EXOC6B: variants seen among roughly 807,000 people sequenced by gnomAD.
The protein encoded by EXOC6B is exocyst complex component 6B, also known as SEC15 homolog B.
In EXOC6B, 54 loss-of-function variants were observed where a neutral mutation model predicts 113.5. That is an observed-to-expected ratio of 0.48 (90% CI 0.38 to 0.60). The LOEUF is 0.60. Ranked by LOEUF, EXOC6B falls within the 20% of genes least tolerant of loss-of-function variation. EXOC6B has a pLI of 0.00. For missense variants in EXOC6B, 797 were observed against 977.5 expected (o/e 0.82, Z 2.46); for synonymous variants, 357 against 339.0 (o/e 1.05, Z -0.58).
At chr2:72,693,584 A>G (rs1257517561) in intron 6 of EXOC6B, among the ~76,000 whole-genome samples, 2 of 152,224 alleles carry the variant, frequency 1.3e-5, no homozygotes, top group Admixed American at 6.5e-5. Flanking sequence ...TAAAAGGCCA[A>G]TGCACAAGAT....
intron 18 of EXOC6B, among the ~76,000 whole-genome samples, chr2:72,455,864 C>A (rs1697198825): frequency 6.6e-6 from 1 of 151,938 alleles, no homozygotes; most frequent in East Asian, 1.9e-4. Context: ...GGAGAGGACA[C>A]TTTGTACAGT....
At chr2:72,461,542 C>G (rs188444074) in intron 18 of EXOC6B, 75 of 151,750 alleles carry the variant, frequency 4.9e-4, no homozygotes, top group African/African-American at 1.6e-3. Flanking sequence ...TAATGAATAT[C>G]ACATTATATG....
chr2:72,720,867 T>TA lies in EXOC6B; in HGVS notation c.465-2561dup, dbSNP rs202107672. 2.3e-3 allele frequency among the ~76,000 whole-genome samples: 321 copies of TA among 139,426 alleles called. 1 individual carries two copies. The highest frequency in any genetic ancestry group is 7.5e-3 in the African/African-American group (284 of 38,000). 91.5% of individuals were successfully genotyped at this position (139,426 alleles called of 152,430 possible). ...GCTAGTAACACAGAGGGACATTCCATAAAAAAAAAAGGGATGATATTTGTC... is the reference window on the plus strand; with the variant it reads ...GCTAGTAACACAGAGGGACATTCCATAAAAAAAAAAAGGGATGATATTTGTC... On this transcript the variant is annotated intron_variant, in intron 5 of 21. Coordinates refer to ENST00000272427, the MANE Select transcript of EXOC6B (RefSeq NM_015189.3).
At chr2:72,262,744 A>G (rs1683815959) in intron 20 of EXOC6B, among the ~76,000 whole-genome samples, 1 of 151,782 alleles carries the variant, frequency 6.6e-6, no homozygotes, top group South Asian at 2.1e-4. Context: ...TTCATTGTCT[A>G]TCTTTCCCAC....
At chr2:72,350,513 T>C (rs186862591) in intron 19 of EXOC6B, among the ~76,000 whole-genome samples, 32 of 152,336 alleles carry the variant, frequency 2.1e-4, no homozygotes, top group African/African-American at 6.7e-4. Context: ...ATCTATCTTA[T>C]TAGAGAATAT....
chr2:72,354,369 G>A (rs530060810), intron 19 of EXOC6B: 1 of 152,326 alleles, frequency 6.6e-6, no homozygotes, highest in East Asian at 1.9e-4. Flanking sequence ...ACCAGAAACA[G>A]TACTTTGTTT....
At chr2:72,230,496 C>T (rs1161456163) in intron 20 of EXOC6B, among the ~76,000 whole-genome samples, 2 of 152,124 alleles carry the variant, frequency 1.3e-5, no homozygotes, top group Non-Finnish European at 2.9e-5. Flanking sequence ...TCTACAGTCT[C>T]TTATACTAAC....
chr2:72,392,107 T>C (rs1400712210), intron 18 of EXOC6B, among the ~76,000 whole-genome samples: 2 of 152,232 alleles, frequency 1.3e-5, no homozygotes, highest in Non-Finnish European at 2.9e-5. Flanking sequence ...AGGTCCTGGT[T>C]CCTCATTTCT....
At chr2:72,816,630 C>T (rs975718918) in intron 1 of EXOC6B, among the ~76,000 whole-genome samples, 3 of 152,114 alleles carry the variant, frequency 2.0e-5, no homozygotes, top group Non-Finnish European at 2.9e-5. Context: ...AGATAATTTA[C>T]CTATATCATT....
chr2:72,743,050 A>G (rs532880548), intron 1 of EXOC6B, among the ~76,000 whole-genome samples: 2 of 152,346 alleles, frequency 1.3e-5, no homozygotes, highest in South Asian at 4.1e-4. Flanking sequence ...ACAATTGCCC[A>G]AGCCAAAAAT....
At chr2:72,498,601 T>C (rs975724899) in intron 12 of EXOC6B, 50 bp from the exon 13 acceptor site, 3 of 1,348,830 alleles carry the variant, frequency 2.2e-6, no homozygotes, top group Non-Finnish European at 2.0e-6. Context: ...GGAGTTTTTT[T>C]TTCGGTTTTT....
rs555987071 is a variant in EXOC6B, at chr2:72,608,749, A to G, written c.670-33081T>C. Among the ~76,000 whole-genome samples the G allele has an allele frequency of 2.0e-5, 3 of 152,266 alleles. No individual in the cohort carries two copies. In the East Asian group the frequency reaches 5.8e-4, roughly 29 times the overall value. The stretch of plus-strand genomic sequence containing the variant: ...TATTTCCTCAATAAAAATAATACCA[A>G]AAAGTGAAAAAAAATTATTTAAAAA... On this transcript the variant is annotated intron_variant, in intron 6 of 21. Transcript: ENST00000272427.
intron 6 of EXOC6B, among the ~76,000 whole-genome samples, chr2:72,673,171 A>G (rs1676029416): frequency 6.6e-6 from 1 of 152,214 alleles, no homozygotes; most frequent in South Asian, 2.1e-4. Context: ...CTCAAAGACA[A>G]GTCTTTACAT....
Position 72,339,790 on chromosome 2 carries a change from T to C in EXOC6B, c.2123-4770A>G, listed in dbSNP as rs187215896. 4.2e-3 allele frequency among the ~76,000 whole-genome samples: 637 copies of C among 152,178 alleles called. 1 individual carries two copies. Among genetic ancestry groups the C allele is most frequent in the South Asian group, 0.011 (53 of 4,820 alleles). On this transcript the variant is annotated intron_variant, in intron 19 of 21. Coordinates refer to ENST00000272427, the MANE Select transcript of EXOC6B (RefSeq NM_015189.3). ...CACTTAAAAAAATTAAAAGGAGGTA[T>C]ACAAAATAGCAGGAAAGAAGGTATA...
intron 20 of EXOC6B, among the ~76,000 whole-genome samples, chr2:72,275,660 C>A (rs1684767376): frequency 6.6e-6 from 1 of 152,180 alleles, no homozygotes; most frequent in Non-Finnish European, 1.5e-5. Flanking sequence ...TCTACAAGTA[C>A]AATTGGCCCT....
intron 1 of EXOC6B, among the ~76,000 whole-genome samples, chr2:72,808,794 T>C (rs187016575): frequency 1.7e-3 from 262 of 151,996 alleles, no homozygotes; most frequent in Middle Eastern, 3.4e-3. Flanking sequence ...AAAACACAGC[T>C]GAGTGCAGTG....
At chr2:72,310,421 A>C (rs1218273086) in intron 20 of EXOC6B, among the ~76,000 whole-genome samples, 1 of 152,136 alleles carries the variant, frequency 6.6e-6, no homozygotes, top group Non-Finnish European at 1.5e-5. Context: ...TGCTTATTGT[A>C]CATTTGCATG....
chr2:72,492,296 C>A (rs1169725166), intron 16 of EXOC6B, 22 bp downstream of exon 16: 24 of 1,488,990 alleles, frequency 1.6e-5, no homozygotes, highest in Non-Finnish European at 2.2e-5. Context: ...GGCTCGGCTG[C>A]CTTCATTAGG....
Position 72,819,980 on chromosome 2 carries a change from C to T in EXOC6B, c.113+5818G>A, listed in dbSNP as rs974645067. Among the ~76,000 whole-genome samples, 41 of 151,978 alleles carry T rather than the reference C, an allele frequency of 2.7e-4. 1 individual carries two copies. The highest frequency in any genetic ancestry group is 9.7e-4 in the African/African-American group (40 of 41,354). On this transcript the variant is annotated intron_variant, in intron 1 of 21. Transcript: ENST00000272427. ...ATGGACCTATAATGAGAAAGTGTCA[C>T]GAACCAAGGATTATGATTAACTGAT...
Sources: allele counts gnomAD v4.1 joint callset (sites outside exome capture counted in the v4.1 genomes callset), GRCh38; gene constraint gnomAD v4.1.1; transcripts MANE v1.5; gene names NCBI Gene and HGNC (gene_info 2026-07-23, HGNC 2026-07-21).